SVOPL: variants seen among roughly 807,000 people sequenced by gnomAD.
The protein encoded by SVOPL is putative transporter SVOPL.
SVOPL carries 60 observed loss-of-function variants against 61.0 expected under a neutral mutation model. That is an observed-to-expected ratio of 0.98 (90% CI 0.80 to 1.22). SVOPL has a LOEUF of 1.22. SVOPL is among the 50% of genes most tolerant of loss of function. The pLI is 0.00. For synonymous variants in SVOPL, 279 were observed against 250.0 expected, an observed-to-expected ratio of 1.12 and a Z score of -1.09; for missense variants, 662 against 643.9, an observed-to-expected ratio of 1.03 and a Z score of -0.30.
At chr7:138,633,723 T>A (rs983248063) in intron 9 of SVOPL, among the ~76,000 whole-genome samples, 3 of 152,084 alleles carry the variant, frequency 2.0e-5, no homozygotes, top group African/African-American at 7.2e-5. Context: ...GAGAATACCT[T>A]ACCAAAATAC....
intron 11 of SVOPL, 92 bp from the exon 12 acceptor site, chr7:138,627,553 A>G (rs878995895): frequency 2.1e-6 from 2 of 942,106 alleles, no homozygotes; most frequent in South Asian, 2.9e-5. Context: ...GTCGTTTCAG[A>G]AAGAAGCAAC....
chr7:138,656,447 C>G lies in SVOPL; in HGVS notation c.534+1G>C, dbSNP rs367917713. The stretch of plus-strand genomic sequence containing the variant: ...CAGGTAGAACTCCTACGTTGCCTTA[C>G]CTGAGACAAGGGTAACATATAGCCT... On this transcript the variant is annotated splice_donor_variant, in intron 7 of 15. Coordinates refer to ENST00000674285, the MANE Select transcript of SVOPL (RefSeq NM_001139456.2). LOFTEE classifies it high-confidence loss of function. The G allele has an allele frequency of 1.7e-5, 27 of 1,613,812 alleles. No individual in the cohort carries two copies. Among genetic ancestry groups the G allele is most frequent in the Non-Finnish European group, 2.2e-5 (26 of 1,179,938 alleles).
In SVOPL at chr7:138,650,270, T is replaced by TA. The variant is rs367898438; in HGVS notation, c.535-1134dup. Among the ~76,000 whole-genome samples, 343 of 152,218 alleles carry TA rather than the reference T, an allele frequency of 2.3e-3. 1 individual carries two copies. Among genetic ancestry groups the TA allele is most frequent in the African/African-American group, 7.9e-3 (328 of 41,530 alleles). ...GAAGGTCTAATAATAGAGGGTGTGTTAGTAGGGCTTGTGATTGGGGATGAG... is the reference window on the plus strand; with the variant it reads ...GAAGGTCTAATAATAGAGGGTGTGTTAAGTAGGGCTTGTGATTGGGGATGAG... On this transcript the variant is annotated intron_variant, in intron 7 of 15. Transcript: ENST00000674285.
intron 1 of SVOPL, among the ~76,000 whole-genome samples, chr7:138,692,920 A>G (rs1802975002): frequency 6.6e-6 from 1 of 152,186 alleles, no homozygotes; most frequent in Non-Finnish European, 1.5e-5. Context: ...TCGGTGAGGA[A>G]AGGTGGAGGG....
In SVOPL at chr7:138,646,616, C is replaced by T. The variant is rs1354456479; in HGVS notation, c.661-1771G>A. ...TGACTGCAGCCTTGACCAACCAGGCCCGAGCAACCCTCCCATCTCAGCCTC... is the reference window on the plus strand; with the variant it reads ...TGACTGCAGCCTTGACCAACCAGGCTCGAGCAACCCTCCCATCTCAGCCTC... On this transcript the variant is annotated intron_variant, in intron 8 of 15. Coordinates refer to ENST00000674285, the MANE Select transcript of SVOPL (RefSeq NM_001139456.2). 2.6e-5 allele frequency among the ~76,000 whole-genome samples: 4 copies of T among 152,076 alleles called. No individual in the cohort carries two copies. The East Asian group carries it at 7.8e-4, about 30-fold the overall frequency.
Position 138,644,818 on chromosome 7 carries a change from C to T in SVOPL, c.688G>A (p.Val230Ile). 1.9e-6 allele frequency: 3 copies of T among 1,614,152 alleles called. No individual in the cohort carries two copies. The highest frequency in any genetic ancestry group is 1.3e-5 in the African/African-American group (1 of 75,028). The change falls in exon 9 of 16, where the codon GTC (valine) becomes ATC (isoleucine). Residue 230 changes from valine to isoleucine, a missense_variant. Transcript: ENST00000674285. The part of the protein sequence containing the change: ...KFIPESARFN[V>I]STGNTRAALA... Reference sequence around the variant, plus strand: ...GCAGCCCGAGTGTTCCCAGTGGAGACATTGAACCGGGCAGATTCAGGAATA... The same window carrying T: ...GCAGCCCGAGTGTTCCCAGTGGAGATATTGAACCGGGCAGATTCAGGAATA...
chr7:138,635,863 C>G (rs1800442936), intron 9 of SVOPL, among the ~76,000 whole-genome samples: 1 of 151,916 alleles, frequency 6.6e-6, no homozygotes, highest in Non-Finnish European at 1.5e-5. Context: ...TATAAAAATA[C>G]TTCAGAGAAC....
Position 138,672,240 on chromosome 7 carries a change from C to T in SVOPL, c.175-123G>A, listed in dbSNP as rs978913069. 16 of 808,356 alleles carry T rather than the reference C, an allele frequency of 2.0e-5. No homozygotes were observed. The African/African-American group carries it at 2.4e-4, about 12-fold the overall frequency. 50.1% of individuals were successfully genotyped at this position (808,356 alleles called of 1,614,324 possible). A position where few individuals can be genotyped will look rare whatever the true frequency, so the allele number is the denominator to read the frequency against. On this transcript the variant is annotated intron_variant, in intron 3 of 15. Coordinates refer to ENST00000674285, the MANE Select transcript of SVOPL (RefSeq NM_001139456.2). The stretch of plus-strand genomic sequence containing the variant: ...TTGTCCTTCCCCATTCAGGGAGGAT[C>T]TATTGTATACCCACACTGCACTGCT...
At chr7:138,662,949 A>G in intron 5 of SVOPL, 125 bp downstream of exon 5, 4 of 1,513,120 alleles carry the variant, frequency 2.6e-6, no homozygotes, top group Non-Finnish European at 3.5e-6. Flanking sequence ...CAGGGAGGGA[A>G]ATGTCTGCAT....
At chr7:138,686,255 T>A (rs1802809154) in intron 1 of SVOPL, among the ~76,000 whole-genome samples, 1 of 151,168 alleles carries the variant, frequency 6.6e-6, no homozygotes, top group African/African-American at 2.4e-5. Context: ...ATACAAAAAT[T>A]AGCTGGGCGT....
intron 8 of SVOPL, among the ~76,000 whole-genome samples, chr7:138,646,797 A>G (rs1453531967): frequency 1.3e-5 from 2 of 152,138 alleles, no homozygotes; most frequent in African/African-American, 2.4e-5. Context: ...GGGATTACAA[A>G]CATGAGCCAC....
At position 138,700,533 on chromosome 7, in the gene SVOPL, G is replaced by C. The variant is rs564906642; in HGVS notation, c.-35+645C>G. On this transcript the variant is annotated intron_variant, in intron 1 of 15. Coordinates refer to ENST00000674285, the MANE Select transcript of SVOPL (RefSeq NM_001139456.2). ...TTTTTGTATTTTTAGTAGAGACGGG[G>C]TTTCACCATCTTGGTCAGGCTGGTC... is the stretch of plus-strand genomic sequence containing the variant. Among the ~76,000 whole-genome samples, 5 of 151,960 alleles carry C rather than the reference G, an allele frequency of 3.3e-5. No homozygotes were observed. In the South Asian group the frequency reaches 1.0e-3, roughly 32 times the overall value.
chr7:138,669,105 G>A (rs1490255882), intron 4 of SVOPL, among the ~76,000 whole-genome samples: 1 of 152,178 alleles, frequency 6.6e-6, no homozygotes, highest in African/African-American at 2.4e-5. Flanking sequence ...CTCAAGCACA[G>A]GGAAGGGCTC....
chr7:138,651,328 G>A (rs907653683), intron 7 of SVOPL, among the ~76,000 whole-genome samples: 10 of 152,150 alleles, frequency 6.6e-5, no homozygotes, highest in Non-Finnish European at 1.3e-4. Flanking sequence ...CTTGGAATTG[G>A]ACCTATGGCT....
At chr7:138,655,739 T>C (rs1391445077) in intron 7 of SVOPL, among the ~76,000 whole-genome samples, 9 of 150,818 alleles carry the variant, frequency 6.0e-5, no homozygotes, top group African/African-American at 2.2e-4. Context: ...TAGATATATA[T>C]TCATTTATTA....
intron 1 of SVOPL, among the ~76,000 whole-genome samples, chr7:138,692,841 C>T (rs192670536): frequency 5.9e-4 from 89 of 152,012 alleles, no homozygotes; most frequent in African/African-American, 1.9e-3. Context: ...GGTTTCAGGA[C>T]GGAACAAAAT....
intron 14 of SVOPL, among the ~76,000 whole-genome samples, chr7:138,619,262 G>A (rs1799440978): frequency 6.6e-6 from 1 of 152,000 alleles, no homozygotes; most frequent in Admixed American, 6.6e-5. Flanking sequence ...TAAATAAATA[G>A]TCAGGCATGG....
In SVOPL at chr7:138,595,634, A is replaced by G. The variant is rs139263588; in HGVS notation, c.1467+783T>C. 2.5e-4 allele frequency among the ~76,000 whole-genome samples: 38 copies of G among 152,322 alleles called. No homozygotes were observed. The East Asian group carries it at 7.3e-3, about 29-fold the overall frequency. On this transcript the variant is annotated intron_variant, in intron 15 of 15. Coordinates refer to ENST00000674285, the MANE Select transcript of SVOPL (RefSeq NM_001139456.2). The stretch of plus-strand genomic sequence containing the variant: ...GTCTGGTTTAAATTCTAGCCTCACT[A>G]CAATATTAGTGTGCTCCTTTATACA...
At chr7:138,676,121 C>A (rs1447437218) in intron 3 of SVOPL, among the ~76,000 whole-genome samples, 1 of 152,220 alleles carries the variant, frequency 6.6e-6, no homozygotes, top group African/African-American at 2.4e-5. Flanking sequence ...CAGGCATGAG[C>A]CACAGTGCCT....
Sources: gnomAD v4.1 joint callset for allele counts (sites outside exome capture counted in the v4.1 genomes callset) on GRCh38, gnomAD v4.1.1 for gene constraint, MANE v1.5 for transcripts, NCBI Gene and HGNC (gene_info 2026-07-23, HGNC 2026-07-21) for gene names.